The following NDUFS5 variants were observed in gnomAD, a reference collection of about 807,000 sequenced individuals.
NDUFS5 encodes the protein NADH:ubiquinone oxidoreductase subunit S5.
A neutral mutation model predicts 10.5 loss-of-function variants in NDUFS5; 7 were observed. The ratio of observed to expected loss-of-function variants is 0.66; its 90% CI spans 0.38 to 1.25. The LOEUF (loss-of-function observed/expected upper bound fraction) is 1.25, where lower values mean the gene tolerates loss of function less well. NDUFS5 is among the 50% of genes most tolerant of loss of function. The pLI, the probability that NDUFS5 is intolerant of heterozygous loss-of-function variation, is 0.02. For synonymous variants in NDUFS5, 38 were observed against 44.0 expected (o/e 0.86, Z 0.54); for missense variants, 148 against 140.7 (o/e 1.05, Z -0.26).
rs1373167313 is a variant in NDUFS5 at position 39,028,739 on chromosome 1, C to T, written c.15C>T (p.Asp5=). The T allele has an allele frequency of 6.2e-7, 1 of 1,613,954 alleles. No homozygotes were observed. Among genetic ancestry groups the T allele is most frequent in the Non-Finnish European group, 8.5e-7 (1 of 1,179,938 alleles). The change falls in exon 2 of 3, where the codon GAC becomes GAT. Residue 5 remains aspartate, a synonymous_variant. Transcript: ENST00000372969. ...CCATTACAGCCATGCCTTTCTTGGA[C>T]ATCCAGAAAAGGTTCGGCCTTAACA... MPFL[D]IQKRFGLNID... is the part of the protein sequence containing the mutation.
chr1:39,032,470 A>G (rs751353718), intron 2 of NDUFS5, among the ~76,000 whole-genome samples: 1 of 152,146 alleles, frequency 6.6e-6, no homozygotes, highest in Non-Finnish European at 1.5e-5. Flanking sequence ...TATCAACACT[A>G]CTTCTTTAAG....
chr1:39,029,283 G>A (rs536654071), intron 2 of NDUFS5, among the ~76,000 whole-genome samples: 4 of 152,212 alleles, frequency 2.6e-5, no homozygotes, highest in South Asian at 2.1e-4. Context: ...ATGAGCCACC[G>A]TGCCTGGCCT....
chr1:39,027,323 C>T (rs1397779588), intron 1 of NDUFS5, among the ~76,000 whole-genome samples: 5 of 152,106 alleles, frequency 3.3e-5, no homozygotes, highest in African/African-American at 7.2e-5. Context: ...CCGCCCGCCT[C>T]GGCCTCCCAA....
intron 2 of NDUFS5, among the ~76,000 whole-genome samples, chr1:39,031,260 A>G (rs377230505): frequency 6.6e-6 from 1 of 151,744 alleles, no homozygotes; most frequent in Non-Finnish European, 1.5e-5. Flanking sequence ...GCGATCCCAC[A>G]TTGGCCTCCC....
chr1:39,034,556 GGTT>G lies in NDUFS5; in HGVS notation c.*64_*66del. ...CCTGTTCTCTGTTCTCCACTGGAAA[GGTT>G]GTTTACGACAAACCTCCTTGTCAAA... On this transcript the variant is annotated 3_prime_UTR_variant, in exon 3 of 3. Coordinates refer to ENST00000372969, the MANE Select transcript of NDUFS5 (RefSeq NM_004552.3). The G allele has an allele frequency of 7.0e-7, 1 of 1,429,370 alleles. No homozygotes were observed. The highest frequency in any genetic ancestry group is 2.3e-5 in the East Asian group (1 of 43,480). 88.5% of individuals were successfully genotyped at this position (1,429,370 alleles called of 1,614,324 possible).
chr1:39,026,657 A>G (rs534978433), intron 1 of NDUFS5, among the ~76,000 whole-genome samples: 50 of 152,286 alleles, frequency 3.3e-4, no homozygotes, highest in African/African-American at 1.2e-3. Context: ...TTCTTAACCT[A>G]AAGTCTACGA....
At chr1:39,029,688 T>A (rs1644176667) in intron 2 of NDUFS5, among the ~76,000 whole-genome samples, 1 of 152,210 alleles carries the variant, frequency 6.6e-6, no homozygotes, top group Non-Finnish European at 1.5e-5. Flanking sequence ...CATCTTTGGA[T>A]TCATTCCACT....
intron 2 of NDUFS5, among the ~76,000 whole-genome samples, chr1:39,029,214 A>G (rs971121146): frequency 1.5e-4 from 23 of 151,996 alleles, no homozygotes; most frequent in Admixed American, 1.4e-3. Flanking sequence ...GCTGGTCTTG[A>G]ACTCCAGACC....
intron 2 of NDUFS5, among the ~76,000 whole-genome samples, chr1:39,033,057 T>C (rs1644200383): frequency 6.6e-6 from 1 of 152,206 alleles, no homozygotes; most frequent in African/African-American, 2.4e-5. Context: ...GACCAGTTCA[T>C]TGTTGTGGCT....
At chr1:39,028,261 A>G (rs1644166305) in intron 1 of NDUFS5, among the ~76,000 whole-genome samples, 1 of 151,790 alleles carries the variant, frequency 6.6e-6, no homozygotes, top group Non-Finnish European at 1.5e-5. Context: ...CTGAAACCCC[A>G]TCTCTACTAA....
chr1:39,034,504 A>C lies in NDUFS5; in HGVS notation c.*8A>C, dbSNP rs376231359. 6.2e-7 allele frequency: 1 copy of C among 1,611,770 alleles called. No homozygotes were observed. The highest frequency in any genetic ancestry group is 8.5e-7 in the Non-Finnish European group (1 of 1,178,256). On this transcript the variant is annotated 3_prime_UTR_variant, in exon 3 of 3. Transcript: ENST00000372969. ...GGGGAGCCTCGGCCCTGAACAGAGC[A>C]GCTGCTGATGTCTGGAGGCTGATTT...
intron 1 of NDUFS5, 123 bp from the exon 2 acceptor site, chr1:39,028,600 A>G: frequency 1.2e-6 from 1 of 859,014 alleles, no homozygotes; most frequent in Non-Finnish European, 1.9e-6. Context: ...TCAGGAGAAT[A>G]ATATCAAACA....
chr1:39,033,481 G>C (rs1644206683), intron 2 of NDUFS5, among the ~76,000 whole-genome samples: 1 of 150,814 alleles, frequency 6.6e-6, no homozygotes, highest in Admixed American at 6.6e-5. Context: ...GCTGAGGCAG[G>C]AGAATGGCGC....
At chr1:39,033,595 G>A (rs1350289121) in intron 2 of NDUFS5, among the ~76,000 whole-genome samples, 69 of 139,886 alleles carry the variant, frequency 4.9e-4, no homozygotes, top group Middle Eastern at 7.5e-3. Context: ...TCCGCCTCCC[G>A]GGTTCAAGCG....
chr1:39,029,011 AGACG>A lies in NDUFS5; in HGVS notation c.216+72_216+75del. On this transcript the variant is annotated intron_variant, in intron 2 of 2. Transcript: ENST00000372969. Reference sequence around the variant, plus strand: ...TTGGGACTCTTTTTTTTTTTTTTTGAGACGAAGTCTCACTCTTGTCCCCTAGGCT... The same window carrying A: ...TTGGGACTCTTTTTTTTTTTTTTTGAAAGTCTCACTCTTGTCCCCTAGGCT... 1.0e-5 allele frequency: 14 copies of A among 1,341,654 alleles called. No individual in the cohort carries two copies. In the Admixed American group the frequency reaches 3.3e-4, roughly 31 times the overall value. The allele number at this position is 1,341,654 out of a possible 1,614,324, so 83.1% of individuals were successfully genotyped here.
In NDUFS5 at chr1:39,034,448, G is replaced by T; in HGVS notation, c.273G>T (p.Lys91Asn). 1 of 1,613,792 alleles carries T rather than the reference G, an allele frequency of 6.2e-7. No individual in the cohort carries two copies. Among genetic ancestry groups the T allele is most frequent in the Non-Finnish European group, 8.5e-7 (1 of 1,179,812 alleles). Residue 91 changes from lysine to asparagine, a missense_variant, in exon 3 of 3, where the codon AAG (lysine) becomes AAT (asparagine). Lys to Asn is a moderately conservative substitution (Grantham distance 94). Transcript: ENST00000372969. The part of the protein sequence containing the change: ...KQRDKLIKEG[K>N]YTPPPHHIGK... ...GGGATAAGCTGATAAAGGAAGGAAAGTACACCCCTCCACCTCACCACATTG... is the reference window on the plus strand; with the variant it reads ...GGGATAAGCTGATAAAGGAAGGAAATTACACCCCTCCACCTCACCACATTG...
intron 1 of NDUFS5, among the ~76,000 whole-genome samples, chr1:39,027,596 T>G (rs979690470): frequency 1.3e-4 from 19 of 144,748 alleles, no homozygotes; most frequent in African/African-American, 4.3e-4. Context: ...TTTTTTTTTT[T>G]GAGACAGGAT....
chr1:39,030,091 T>A (rs7546089), intron 2 of NDUFS5, among the ~76,000 whole-genome samples: 105,336 of 146,526 alleles, frequency 0.72, 38,972 homozygotes, highest in Non-Finnish European at 0.85. Context: ...ACTCTGCCTC[T>A]AAAAAAAAAA....
At chr1:39,028,642 TA>T in intron 1 of NDUFS5, 80 bp from the exon 2 acceptor site, 1 of 1,279,590 alleles carries the variant, frequency 7.8e-7, no homozygotes, top group Non-Finnish European at 1.1e-6. Flanking sequence ...CATGATTATC[TA>T]ATTTTTTCTT....
Sources: gnomAD v4.1 joint callset for allele counts (sites outside exome capture counted in the v4.1 genomes callset) on GRCh38, gnomAD v4.1.1 for gene constraint, MANE v1.5 for transcripts, NCBI Gene and HGNC (gene_info 2026-07-23, HGNC 2026-07-21) for gene names.